Variants in PIEZO2 observed in about 807,000 individuals in gnomAD.
PIEZO2 encodes the protein piezo type mechanosensitive ion channel component 2, also known as piezo-type mechanosensitive ion channel component 2.
Under a neutral mutation model 337.3 loss-of-function variants are expected in PIEZO2, and 172 were observed. The ratio of observed to expected loss-of-function variants is 0.51; its 90% confidence interval spans 0.45 to 0.58. The LOEUF is 0.58. Among genes scored for constraint, PIEZO2 ranks in the 20% least tolerant of loss-of-function variants. PIEZO2 has a pLI of 0.00. For missense variants in PIEZO2, 3,028 were observed against 3,391.3 expected, an observed-to-expected ratio of 0.89 and a Z score of 2.66; for synonymous variants, 1,251 against 1,228.5, an observed-to-expected ratio of 1.02 and a Z score of -0.38.
intron 7 of PIEZO2, among the ~76,000 whole-genome samples, chr18:10,848,296 A>G (rs546611631): frequency 6.6e-6 from 1 of 152,340 alleles, no homozygotes; most frequent in East Asian, 1.9e-4. Context: ...TTTTACAACT[A>G]TTATAAGAAA....
chr18:10,773,313 C>T lies in PIEZO2; in HGVS notation c.2785+99G>A, dbSNP rs1452178561. 4.1e-6 allele frequency: 5 copies of T among 1,223,972 alleles called. No homozygotes were observed. Among genetic ancestry groups the T allele is most frequent in the East Asian group, 2.5e-5 (1 of 39,286 alleles). The allele number at this position is 1,223,972 out of a possible 1,614,324, so 75.8% of individuals were successfully genotyped here. A position where few individuals can be genotyped will look rare whatever the true frequency, so the allele number is the denominator to read the frequency against. On this transcript the variant is annotated intron_variant, in intron 20 of 55. Transcript: ENST00000674853. The surrounding 1 kb of genome is among the most constrained non-coding windows in gnomAD (Gnocchi z 5.3). ...ACCACTCCAATTTTTATGTCATGGA[C>T]TGGGTCAAATATATATTCTTTTGGA...
At chr18:10,947,680 G>T (rs1043959277) in intron 3 of PIEZO2, among the ~76,000 whole-genome samples, 1 of 152,102 alleles carries the variant, frequency 6.6e-6, no homozygotes, top group Non-Finnish European at 1.5e-5. Flanking sequence ...ACTAGAAATG[G>T]TCACTACATA....
intron 2 of PIEZO2, 128 bp downstream of exon 2, chr18:11,065,999 C>T: frequency 1.4e-6 from 1 of 700,246 alleles, no homozygotes; most frequent in South Asian, 2.0e-5. Context: ...TTGACACCCA[C>T]TCCATGCCAT....
At position 11,001,945 on chromosome 18, in the gene PIEZO2, G is replaced by GGAAGGAAGGAAGGAAGGAAA; in HGVS notation, c.161-22286_161-22285insTTTCCTTCCTTCCTTCCTTC. ...AGGAAGGAAGGAAGGAAGGAAGGAA[G>GGAAGGAAGGAAGGAAGGAAA]GAAGAAAAAAAGACTTGGAAGGAGC... On this transcript the variant is annotated intron_variant, in intron 2 of 55. Coordinates refer to ENST00000674853, the MANE Select transcript of PIEZO2 (RefSeq NM_001378183.1). This position sits in a 1 kb window ranked among gnomAD's most constrained non-coding sequence, Gnocchi z 5.3. Among the ~76,000 whole-genome samples, 1 of 141,910 alleles carries GGAAGGAAGGAAGGAAGGAAA rather than the reference G, an allele frequency of 7.0e-6. No homozygotes were observed. Among genetic ancestry groups the GGAAGGAAGGAAGGAAGGAAA allele is most frequent in the African/African-American group, 2.6e-5 (1 of 38,796 alleles). 93.1% of individuals were successfully genotyped at this position (141,910 alleles called of 152,430 possible). A position where few individuals can be genotyped will look rare whatever the true frequency, so the allele number is the denominator to read the frequency against.
At chr18:10,825,010 C>T (rs575391953) in intron 7 of PIEZO2, among the ~76,000 whole-genome samples, 1 of 152,034 alleles carries the variant, frequency 6.6e-6, no homozygotes, top group Non-Finnish European at 1.5e-5. Flanking sequence ...ACTACAGGAA[C>T]CCGCCACCAT....
At position 10,974,626 on chromosome 18, in the gene PIEZO2, A is replaced by C. The variant is rs577208745; in HGVS notation, c.286+4909T>G. On this transcript the variant is annotated intron_variant, in intron 3 of 55. Coordinates refer to ENST00000674853, the MANE Select transcript of PIEZO2 (RefSeq NM_001378183.1). ...CTCCGTAAAGATGGGGGAAGAATGG[A>C]AAGCCAGACAGATCCGTGCTCAGAC... Among the ~76,000 whole-genome samples, 7 of 152,352 alleles carry C rather than the reference A, an allele frequency of 4.6e-5. No individual in the cohort carries two copies. The East Asian group carries it at 1.4e-3, about 29-fold the overall frequency.
chr18:10,852,941 G>A (rs2041598085), intron 7 of PIEZO2, among the ~76,000 whole-genome samples: 1 of 152,136 alleles, frequency 6.6e-6, no homozygotes. Context: ...TTGCAGCTGG[G>A]GGCTTGGGAA....
chr18:10,722,294 G>A (rs138125061), intron 36 of PIEZO2, among the ~76,000 whole-genome samples: 5,737 of 150,824 alleles, frequency 0.038, 154 homozygotes, highest in Non-Finnish European at 0.057. Flanking sequence ...GCAGTGGTGC[G>A]GTCTCAGCTC....
chr18:11,036,051 C>G (rs1488691013), intron 2 of PIEZO2, among the ~76,000 whole-genome samples: 2 of 152,202 alleles, frequency 1.3e-5, no homozygotes, highest in African/African-American at 4.8e-5. Context: ...TCCAGAGAAT[C>G]TGACCTAATT....
Position 10,682,004 on chromosome 18 carries a change from C to A in PIEZO2, c.7686+100G>T. The A allele has an allele frequency of 8.5e-7, 1 of 1,181,546 alleles. No individual in the cohort carries two copies. The highest frequency in any genetic ancestry group is 1.2e-6 in the Non-Finnish European group (1 of 863,320). The allele number at this position is 1,181,546 out of a possible 1,614,324, so 73.2% of individuals were successfully genotyped here. ...TTGCTGAGCAGTCAAATGCCGACAG[C>A]AGGGTCGGCAGCCCATGACTAAACA... On this transcript the variant is annotated intron_variant, in intron 50 of 55. Coordinates refer to ENST00000674853, the MANE Select transcript of PIEZO2 (RefSeq NM_001378183.1). The surrounding 1 kb of genome is among the most constrained non-coding windows in gnomAD (Gnocchi z 5.6).
At chr18:10,802,071 G>A (rs374412407) in intron 9 of PIEZO2, among the ~76,000 whole-genome samples, 2,541 of 125,370 alleles carry the variant, frequency 0.02, 84 homozygotes, top group African/African-American at 0.072. Context: ...GGGCGACAGA[G>A]CGAGACTCCG....
chr18:10,930,437 T>C (rs563987206), intron 3 of PIEZO2, among the ~76,000 whole-genome samples: 1 of 152,356 alleles, frequency 6.6e-6, no homozygotes, highest in African/African-American at 2.4e-5. Flanking sequence ...GACTTAGACG[T>C]TCCCCCTTTC....
rs1219589850 is a variant in PIEZO2, at chr18:11,131,690, G to T, written c.64+16835C>A. Among the ~76,000 whole-genome samples the T allele has an allele frequency of 6.6e-6, 1 of 152,208 alleles. No homozygotes were observed. The highest frequency in any genetic ancestry group is 2.1e-4 in the South Asian group (1 of 4,830). On this transcript the variant is annotated intron_variant, in intron 1 of 55. Coordinates refer to ENST00000674853, the MANE Select transcript of PIEZO2 (RefSeq NM_001378183.1). The surrounding 1 kb of genome is among the most constrained non-coding windows in gnomAD (Gnocchi z 5.3). The stretch of plus-strand genomic sequence containing the variant: ...GTTTTGGCTGGATGGTCAGGGACTT[G>T]GAAAAAGCACGATGGGAAAATTGGT...
intron 3 of PIEZO2, among the ~76,000 whole-genome samples, chr18:10,950,828 T>C (rs1352697137): frequency 1.3e-5 from 2 of 152,206 alleles, no homozygotes; most frequent in Admixed American, 6.5e-5. Flanking sequence ...TTCCTCAACA[T>C]GGAATTAGAC....
intron 1 of PIEZO2, among the ~76,000 whole-genome samples, chr18:11,072,875 T>G (rs4797499): frequency 0.69 from 105,248 of 152,128 alleles, 36,907 homozygotes; most frequent in East Asian, 0.98. Context: ...ATAAGCCACC[T>G]CCCCCAGGCA....
intron 2 of PIEZO2, among the ~76,000 whole-genome samples, chr18:11,039,748 G>GCACACACACACA (rs72175382): frequency 5.0e-5 from 7 of 140,474 alleles, no homozygotes; most frequent in Non-Finnish European, 7.7e-5. Context: ...TTTTAAATAG[G>GCACACACACACA]CACACACACA....
rs752250099 is a variant in PIEZO2 at position 10,759,372 on chromosome 18, G to C, written c.3757+110C>G. 5.6e-6 allele frequency: 5 copies of C among 889,108 alleles called. No individual in the cohort carries two copies. Among genetic ancestry groups the C allele is most frequent in the Non-Finnish European group, 8.7e-6 (5 of 577,462 alleles). The allele number at this position is 889,108 out of a possible 1,614,324, so 55.1% of individuals were successfully genotyped here. A position where few individuals can be genotyped will look rare whatever the true frequency, so the allele number is the denominator to read the frequency against. On this transcript the variant is annotated intron_variant, in intron 26 of 55. Transcript: ENST00000674853. The surrounding 1 kb of genome is among the most constrained non-coding windows in gnomAD (Gnocchi z 5.5). ...TAATGCATAAGACAAGCCTTTACAT[G>C]ATTACGAAGTCTAGTGGAAGACAAA...
chr18:10,825,874 T>C (rs60374537), intron 7 of PIEZO2, among the ~76,000 whole-genome samples: 38,472 of 152,086 alleles, frequency 0.25, 5,057 homozygotes, highest in Middle Eastern at 0.34. Context: ...CTCTATATTT[T>C]GGAAAGAAGT....
chr18:11,008,301 T>C (rs1324775493), intron 2 of PIEZO2, among the ~76,000 whole-genome samples: 2 of 152,228 alleles, frequency 1.3e-5, no homozygotes, highest in African/African-American at 2.4e-5. Flanking sequence ...TGCTTGTCTC[T>C]GCATTGAAAA....
Sources: gnomAD v4.1 joint callset for allele counts (sites outside exome capture counted in the v4.1 genomes callset) on GRCh38, gnomAD v4.1.1 for gene constraint, Gnocchi (gnomAD v3.1) non-coding constraint, MANE v1.5 for transcripts, NCBI Gene and HGNC (gene_info 2026-07-23, HGNC 2026-07-21) for gene names.